Variants in HHAT observed in about 807,000 individuals in gnomAD.
The protein encoded by HHAT is protein-cysteine N-palmitoyltransferase HHAT.
In HHAT, 47 loss-of-function variants were observed where a neutral mutation model predicts 70.8. That is an observed-to-expected ratio of 0.66 (90% confidence interval 0.53 to 0.85). The LOEUF is 0.85. HHAT is among the 40% of genes least tolerant of loss of function. The pLI, the probability that HHAT is intolerant of heterozygous loss-of-function variation, is 0.00. For synonymous variants in HHAT, 228 were observed against 247.6 expected (o/e 0.92, Z 0.74); for missense variants, 609 against 604.8 (o/e 1.01, Z -0.07).
At chr1:210,424,970 G>A (rs2148299437) in intron 7 of HHAT, among the ~76,000 whole-genome samples, 1 of 152,318 alleles carries the variant, frequency 6.6e-6, no homozygotes, top group Middle Eastern at 3.4e-3. Context: ...TACCAACAGT[G>A]TATAAGTGTT....
At chr1:210,380,376 A>G (rs954959780) in intron 3 of HHAT, among the ~76,000 whole-genome samples, 3 of 152,034 alleles carry the variant, frequency 2.0e-5, no homozygotes, top group African/African-American at 7.2e-5. Context: ...CCCTGTCTCT[A>G]CTAAAAATAC....
chr1:210,407,613 G>A (rs1049577518), intron 6 of HHAT, among the ~76,000 whole-genome samples: 14 of 152,196 alleles, frequency 9.2e-5, no homozygotes, highest in Non-Finnish European at 1.9e-4. Context: ...AATTAGTCAC[G>A]AACAGGTAAA....
intron 7 of HHAT, among the ~76,000 whole-genome samples, chr1:210,428,621 TATA>T (rs2093149675): frequency 6.6e-6 from 1 of 150,914 alleles, no homozygotes. Context: ...CCTGGCTTCT[TATA>T]ATGTCATTTA....
chr1:210,616,208 CTT>C (rs1387611169), intron 10 of HHAT, among the ~76,000 whole-genome samples: 1 of 151,528 alleles, frequency 6.6e-6, no homozygotes, highest in Non-Finnish European at 1.5e-5. Context: ...AATCTACTCT[CTT>C]AGTGATTTTC....
chr1:210,623,786 C>T (rs2148875175), intron 11 of HHAT, 116 bp downstream of exon 11: 1 of 1,077,026 alleles, frequency 9.3e-7, no homozygotes, highest in Non-Finnish European at 1.3e-6. Flanking sequence ...ATGTTCATGG[C>T]ATGTGACCTC....
intron 7 of HHAT, among the ~76,000 whole-genome samples, chr1:210,450,778 TA>T (rs1487487579): frequency 6.6e-6 from 1 of 152,112 alleles, no homozygotes; most frequent in Non-Finnish European, 1.5e-5. Context: ...GGAGCTTTGA[TA>T]ACTGGCAGTA....
chr1:210,344,351 C>T (rs2357435), intron 1 of HHAT, among the ~76,000 whole-genome samples: 22,535 of 150,038 alleles, frequency 0.15, 1,959 homozygotes, highest in Admixed American at 0.29. Flanking sequence ...GGGCCACTGT[C>T]TGTGGAGTTT....
chr1:210,394,789 C>G (rs2091687700), intron 4 of HHAT, among the ~76,000 whole-genome samples: 1 of 152,108 alleles, frequency 6.6e-6, no homozygotes, highest in South Asian at 2.1e-4. Context: ...CCAGGACAGT[C>G]CCAAATCTAT....
At chr1:210,449,892 C>G (rs7526506) in intron 7 of HHAT, among the ~76,000 whole-genome samples, 52,564 of 151,948 alleles carry the variant, frequency 0.35, 9,486 homozygotes, top group South Asian at 0.47. Context: ...GGTGCTGTGT[C>G]GGGCCACAGG....
intron 11 of HHAT, among the ~76,000 whole-genome samples, chr1:210,658,409 A>T (rs912538971): frequency 2.6e-5 from 4 of 152,154 alleles, no homozygotes; most frequent in Non-Finnish European, 5.9e-5. Context: ...TCCCAGGTAG[A>T]TATAAGTTCA....
chr1:210,607,586 GC>G (rs771952868), intron 10 of HHAT, among the ~76,000 whole-genome samples: 51 of 152,230 alleles, frequency 3.4e-4, no homozygotes, highest in Non-Finnish European at 4.7e-4. Flanking sequence ...GGAGAGGGAG[GC>G]CCCCAGTACC....
intron 10 of HHAT, among the ~76,000 whole-genome samples, chr1:210,620,253 A>G (rs142606031): frequency 5.6e-4 from 86 of 152,292 alleles, no homozygotes; most frequent in African/African-American, 2.0e-3. Flanking sequence ...TTTTGTCCAT[A>G]TGACCTGTTT....
At chr1:210,453,328 C>CT (rs1454422171) in intron 7 of HHAT, among the ~76,000 whole-genome samples, 2 of 152,024 alleles carry the variant, frequency 1.3e-5, no homozygotes, top group Non-Finnish European at 2.9e-5. Flanking sequence ...CAGTGTAAAC[C>CT]TAAAGCTACT....
chr1:210,567,679 T>A (rs963606480), intron 9 of HHAT, among the ~76,000 whole-genome samples: 8 of 152,106 alleles, frequency 5.3e-5, no homozygotes, highest in African/African-American at 1.9e-4. Flanking sequence ...TCCTATGAGG[T>A]GAGCTGGGCA....
intron 11 of HHAT, among the ~76,000 whole-genome samples, chr1:210,654,574 A>G (rs1383002780): frequency 1.3e-5 from 2 of 152,214 alleles, no homozygotes; most frequent in Non-Finnish European, 2.9e-5. Flanking sequence ...CCCAACTGAA[A>G]GGCAGCCTTT....
chr1:210,580,047 T>C (rs560843801), intron 9 of HHAT, among the ~76,000 whole-genome samples: 58 of 152,330 alleles, frequency 3.8e-4, no homozygotes, highest in African/African-American at 1.3e-3. Flanking sequence ...TAGCTTGAAT[T>C]TAATTTCTGT....
At position 210,597,029 on chromosome 1, in the gene HHAT, G is replaced by A. The variant is rs975207555; in HGVS notation, c.1245+8930G>A. Among the ~76,000 whole-genome samples, 10 of 152,194 alleles carry A rather than the reference G, an allele frequency of 6.6e-5. 1 individual carries two copies. The highest frequency in any genetic ancestry group is 1.5e-5 in the Non-Finnish European group (1 of 68,034). On this transcript the variant is annotated intron_variant, in intron 10 of 11. Coordinates refer to ENST00000261458, the MANE Select transcript of HHAT (RefSeq NM_018194.6). ...ATCTAAGTTTTCGGTTGCTCTAACT[G>A]TATTTGCATTACGGGGCACCCCATG...
At chr1:210,485,541 C>T (rs147922870) in intron 8 of HHAT, among the ~76,000 whole-genome samples, 2 of 152,204 alleles carry the variant, frequency 1.3e-5, no homozygotes, top group Non-Finnish European at 2.9e-5. Context: ...AGTCAATTTT[C>T]ACACCACTGA....
At chr1:210,424,675 T>A (rs1230118948) in intron 7 of HHAT, among the ~76,000 whole-genome samples, 1 of 152,132 alleles carries the variant, frequency 6.6e-6, no homozygotes. Context: ...GCAAAGGACA[T>A]GATATTGTTC....
Sources: gnomAD v4.1 joint callset for allele counts (sites outside exome capture counted in the v4.1 genomes callset) on GRCh38, gnomAD v4.1.1 for gene constraint, MANE v1.5 for transcripts, NCBI Gene and HGNC (gene_info 2026-07-23, HGNC 2026-07-21) for gene names.